Variants in COL4A4 observed in about 807,000 individuals in gnomAD.
COL4A4 encodes the protein collagen type IV alpha 4 chain.
COL4A4 carries 105 observed loss-of-function variants against 192.9 expected under a neutral mutation model. The ratio of observed to expected loss-of-function variants is 0.54; its 90% confidence interval spans 0.46 to 0.64. The LOEUF (loss-of-function observed/expected upper bound fraction) is 0.64. Among genes scored for constraint, COL4A4 ranks in the 30% least tolerant of loss-of-function variants. The pLI is 0.00. For synonymous variants in COL4A4, 762 were observed against 769.9 expected (o/e 0.99, Z 0.17); for missense variants, 1,967 against 2,169.3 (o/e 0.91, Z 1.85).
At position 227,051,170 on chromosome 2, in the gene COL4A4, G is replaced by A; in HGVS notation, c.2969-12C>T. 6.2e-7 allele frequency: 1 copy of A among 1,614,016 alleles called. No homozygotes were observed. Among genetic ancestry groups the A allele is most frequent in the South Asian group, 1.1e-5 (1 of 91,078 alleles). ...AGTTCCTTTATCACCTGATGAAGTT[G>A]GAAGTGTTACAGGTCTCTGCTGAAA... On this transcript the variant is annotated splice_polypyrimidine_tract_variant and intron_variant, in intron 32 of 47. Transcript: ENST00000396625.
chr2:227,153,955 T>C (rs2396460), intron 1 of COL4A4, among the ~76,000 whole-genome samples: 76,673 of 151,874 alleles, frequency 0.5, 20,086 homozygotes, highest in East Asian at 0.62. Context: ...ACAGAAGGCA[T>C]GGCCCCACCC....
intron 32 of COL4A4, 120 bp downstream of exon 32, chr2:227,052,185 C>A (rs1974263802): frequency 2.9e-6 from 2 of 680,484 alleles, no homozygotes; most frequent in Admixed American, 4.2e-5. Context: ...GAGCAAAACT[C>A]CATCTCAAAA....
intron 40 of COL4A4, 152 bp from the exon 41 acceptor site, chr2:227,030,750 T>C: frequency 1.6e-6 from 1 of 607,136 alleles, no homozygotes; most frequent in East Asian, 2.9e-5. Flanking sequence ...ATAACAGAAA[T>C]GAAATAGAAT....
intron 40 of COL4A4, 136 bp downstream of exon 40, chr2:227,031,809 C>G (rs965882100): frequency 1.4e-6 from 1 of 733,916 alleles, no homozygotes; most frequent in Non-Finnish European, 2.5e-6. Context: ...AACTGTGTCC[C>G]ACTTATCGAC....
intron 22 of COL4A4, among the ~76,000 whole-genome samples, chr2:227,087,235 C>T (rs1182783789): frequency 2.0e-5 from 3 of 152,198 alleles, no homozygotes; most frequent in African/African-American, 7.2e-5. Context: ...AAATCTCATC[C>T]ACTCTCTGGC....
chr2:227,076,872 C>T (rs928423443), intron 25 of COL4A4, among the ~76,000 whole-genome samples: 1 of 151,926 alleles, frequency 6.6e-6, no homozygotes, highest in African/African-American at 2.4e-5. Flanking sequence ...TTTATGTGGC[C>T]AACAAACATG....
chr2:227,100,451 C>G (rs571887431), intron 17 of COL4A4, among the ~76,000 whole-genome samples: 1 of 151,080 alleles, frequency 6.6e-6, no homozygotes, highest in Admixed American at 6.6e-5. Flanking sequence ...AAAAAAATAA[C>G]AATCCAATGA....
chr2:227,118,448 C>T lies in COL4A4; in HGVS notation c.489+197G>A, dbSNP rs544895128. ...CCTAACATGGATAAGAAAATCTAGC[C>T]TCCTTCCATCATCCACAAAGTCCTG... On this transcript the variant is annotated intron_variant, in intron 7 of 47. Coordinates refer to ENST00000396625, the MANE Select transcript of COL4A4 (RefSeq NM_000092.5). 7.2e-5 allele frequency among the ~76,000 whole-genome samples: 11 copies of T among 152,252 alleles called. No homozygotes were observed. In the South Asian group the frequency reaches 2.1e-3, roughly 29 times the overall value.
At chr2:227,045,967 T>TTATATATATGTATATATGTATA (rs1156299053) in intron 35 of COL4A4, among the ~76,000 whole-genome samples, 2 of 34,422 alleles carry the variant, frequency 5.8e-5, no homozygotes, top group African/African-American at 1.4e-4. Flanking sequence ...ATGTATATAT[T>TTATATATATGTATATATGTATA]TATATGTGTA....
At position 227,067,631 on chromosome 2, in the gene COL4A4, G is replaced by A. The variant is rs529507975; in HGVS notation, c.1988-5033C>T. On this transcript the variant is annotated intron_variant, in intron 25 of 47. Coordinates refer to ENST00000396625, the MANE Select transcript of COL4A4 (RefSeq NM_000092.5). ...CCTGAATGACTACTGGGTACATAACGAAATGAAGGCAGAGATAAAGATGTT... is the reference window on the plus strand; with the variant it reads ...CCTGAATGACTACTGGGTACATAACAAAATGAAGGCAGAGATAAAGATGTT... 1.2e-3 allele frequency among the ~76,000 whole-genome samples: 175 copies of A among 152,170 alleles called. 1 individual carries two copies. Among genetic ancestry groups the A allele is most frequent in the African/African-American group, 3.5e-3 (147 of 41,524 alleles).
intron 1 of COL4A4, among the ~76,000 whole-genome samples, chr2:227,150,471 C>A (rs2063852387): frequency 6.6e-6 from 1 of 152,106 alleles, no homozygotes; most frequent in Non-Finnish European, 1.5e-5. Flanking sequence ...GACTTCTCTG[C>A]TCTTCTACTA....
At chr2:226,970,722 T>G in the COL4A4 span, among the ~76,000 whole-genome samples, 2 of 152,246 alleles carry the variant, frequency 1.3e-5, no homozygotes, top group Non-Finnish European at 2.9e-5. Context: ...TTTTATTTGA[T>G]TCTCAAAACT....
At position 227,078,028 on chromosome 2, in the gene COL4A4, A is replaced by C; in HGVS notation, c.1853T>G (p.Leu618Arg). 6.2e-7 allele frequency: 1 copy of C among 1,614,082 alleles called. No homozygotes were observed. The highest frequency in any genetic ancestry group is 8.5e-7 in the Non-Finnish European group (1 of 1,180,006). The change falls in exon 25 of 48, where the codon CTG becomes CGG. Residue 618 changes from leucine (L) to arginine (R), a missense_variant. Physicochemically the swap from Leu to Arg is moderately radical, Grantham distance 102. Coordinates refer to ENST00000396625, the MANE Select transcript of COL4A4 (RefSeq NM_000092.5). ...AGGTCCTGCTTTGCCTGGGGGGCCCAGAGGTCCAGGAAATCCTTTACCACC... is the reference window on the plus strand; with the variant it reads ...AGGTCCTGCTTTGCCTGGGGGGCCCCGAGGTCCAGGAAATCCTTTACCACC... ...TPGGKGFPGP[L>R]GPPGKAGPVG... is the part of the protein sequence containing the mutation.
intron 7 of COL4A4, 61 bp from the exon 8 acceptor site, chr2:227,114,757 C>T: frequency 3.0e-6 from 4 of 1,317,748 alleles, no homozygotes; most frequent in Non-Finnish European, 4.4e-6. Context: ...TCAGTATTTT[C>T]TTTTCTATAT....
At chr2:227,120,231 G>C (rs949212888) in intron 5 of COL4A4, among the ~76,000 whole-genome samples, 5 of 152,140 alleles carry the variant, frequency 3.3e-5, no homozygotes, top group Non-Finnish European at 7.4e-5. Flanking sequence ...CCTTAACTGT[G>C]AACACAGGCA....
At chr2:226,998,634 TAGAG>T (rs1430310668), downstream of COL4A4, 1 of 152,186 alleles carries the variant, frequency 6.6e-6, no homozygotes, top group Admixed American at 6.5e-5. Flanking sequence ...ACTCTCAGCT[TAGAG>T]AGTCACAGTA....
intron 4 of COL4A4, among the ~76,000 whole-genome samples, chr2:227,139,723 T>C (rs2063070427): frequency 6.6e-6 from 1 of 152,178 alleles, no homozygotes; most frequent in African/African-American, 2.4e-5. Flanking sequence ...AGCTATCACT[T>C]CATTAGAACA....
intron 8 of COL4A4, among the ~76,000 whole-genome samples, chr2:227,112,820 T>C (rs748486664): frequency 1.6e-4 from 24 of 152,238 alleles, no homozygotes; most frequent in Non-Finnish European, 3.2e-4. Flanking sequence ...CATATGATAT[T>C]TGACTGGTTT....
intron 44 of COL4A4, among the ~76,000 whole-genome samples, chr2:227,018,151 C>T (rs1965294280): frequency 6.6e-6 from 1 of 152,174 alleles, no homozygotes; most frequent in Non-Finnish European, 1.5e-5. Context: ...AATACCACCT[C>T]TTGCTGGGGT....
Sources: gnomAD v4.1 joint callset for allele counts (sites outside exome capture counted in the v4.1 genomes callset) on GRCh38, gnomAD v4.1.1 for gene constraint, MANE v1.5 for transcripts, NCBI Gene and HGNC (gene_info 2026-07-23, HGNC 2026-07-21) for gene names.